Variants in XRN2 observed in about 807,000 individuals in gnomAD.
The protein encoded by XRN2 is DHM1-like protein.
XRN2 carries 44 observed loss-of-function variants against 138.5 expected under a neutral mutation model. The observed-to-expected ratio is 0.32, with a 90% confidence interval of 0.25 to 0.41. XRN2 has a LOEUF of 0.41. Among genes scored for constraint, XRN2 ranks in the 10% least tolerant of loss-of-function variants. The probability of loss-of-function intolerance (pLI) is 1.00; values close to 1 mark genes in which losing one functional copy is unlikely to be tolerated. For missense variants in XRN2, 937 were observed against 1,169.3 expected (o/e 0.80, Z 2.90); for synonymous variants, 354 against 369.4 (o/e 0.96, Z 0.48).
At chr20:21,352,036 C>T (rs2038516546) in intron 20 of XRN2, among the ~76,000 whole-genome samples, 1 of 152,164 alleles carries the variant, frequency 6.6e-6, no homozygotes, top group Admixed American at 6.5e-5. Flanking sequence ...TGAGATTTCA[C>T]ATGAATTTTA....
At chr20:21,346,269 TAAATG>T in intron 16 of XRN2, 141 bp from the exon 17 acceptor site, 1 of 1,049,716 alleles carries the variant, frequency 9.5e-7, no homozygotes, top group Non-Finnish European at 1.4e-6. Flanking sequence ...TAGAAATAGT[TAAATG>T]AATCTGTGTT....
At chr20:21,322,192 C>T (rs764790720) in intron 1 of XRN2, among the ~76,000 whole-genome samples, 27 of 152,150 alleles carry the variant, frequency 1.8e-4, no homozygotes, top group Admixed American at 1.5e-3. Context: ...GTGCTTATCA[C>T]GTTAAGTGCT....
intron 1 of XRN2, among the ~76,000 whole-genome samples, chr20:21,313,144 C>T (rs1229166366): frequency 6.6e-6 from 1 of 152,218 alleles, no homozygotes; most frequent in Admixed American, 6.5e-5. Flanking sequence ...CTAAGTTAGG[C>T]TTTTCCTTAG....
At chr20:21,331,985 A>G (rs903914306) in intron 8 of XRN2, among the ~76,000 whole-genome samples, 167 bp downstream of exon 8, 1 of 152,166 alleles carries the variant, frequency 6.6e-6, no homozygotes, top group Non-Finnish European at 1.5e-5. Context: ...TCTGTGGTCA[A>G]TGATCTTTAA....
At chr20:21,327,255 A>G (rs2122203208) in intron 3 of XRN2, among the ~76,000 whole-genome samples, 1 of 152,316 alleles carries the variant, frequency 6.6e-6, no homozygotes, top group South Asian at 2.1e-4. Context: ...CATGAAAATG[A>G]TTTGAGAGGA....
intron 28 of XRN2, among the ~76,000 whole-genome samples, chr20:21,384,281 A>G (rs559680301): frequency 6.6e-6 from 1 of 152,284 alleles, no homozygotes; most frequent in South Asian, 2.1e-4. Flanking sequence ...CAAGGCAGCC[A>G]TTTAGTTTTT....
At chr20:21,347,741 T>C in intron 17 of XRN2, among the ~76,000 whole-genome samples, 1 of 152,244 alleles carries the variant, frequency 6.6e-6, no homozygotes, top group Non-Finnish European at 1.5e-5. Context: ...TCCAATAATG[T>C]CTCTAACCAC....
intron 20 of XRN2, among the ~76,000 whole-genome samples, chr20:21,350,335 G>T (rs907802721): frequency 4.6e-5 from 7 of 151,788 alleles, no homozygotes; most frequent in Non-Finnish European, 1.0e-4. Flanking sequence ...GACCATCCTG[G>T]CTAACACAGT....
At chr20:21,320,572 T>C (rs2038025515) in intron 1 of XRN2, among the ~76,000 whole-genome samples, 1 of 151,770 alleles carries the variant, frequency 6.6e-6, no homozygotes, top group African/African-American at 2.4e-5. Context: ...GTGCTGGGAT[T>C]ACAGGCGTGA....
intron 28 of XRN2, among the ~76,000 whole-genome samples, chr20:21,384,125 T>C (rs1197218162): frequency 6.6e-6 from 1 of 152,208 alleles, no homozygotes; most frequent in African/African-American, 2.4e-5. Context: ...ATCCAGTAGA[T>C]TTAAAAATAC....
At position 21,368,595 on chromosome 20, in the gene XRN2, G is replaced by A; in HGVS notation, c.2584+5G>A. ...AGATTCCAAAACTTATGTCAAGTAA[G>A]CTTTTACAAATCGGTTATTTTACAT... On this transcript the variant is annotated splice_donor_5th_base_variant and intron_variant, in intron 27 of 29. Transcript: ENST00000377191. 1 of 1,610,566 alleles carries A rather than the reference G, an allele frequency of 6.2e-7. No homozygotes were observed. The highest frequency in any genetic ancestry group is 8.5e-7 in the Non-Finnish European group (1 of 1,178,994).
rs141573507 is a variant in XRN2 at position 21,371,325 on chromosome 20, TC to T, written c.2584+2737del. ...TAGTGTATTCACTCTCTGTCTCTGTTCCTCTCTCTGGCAGTGTAGCTTTGCT... is the reference window on the plus strand; with the variant it reads ...TAGTGTATTCACTCTCTGTCTCTGTTCTCTCTCTGGCAGTGTAGCTTTGCT... On this transcript the variant is annotated intron_variant, in intron 27 of 29. Coordinates refer to ENST00000377191, the MANE Select transcript of XRN2 (RefSeq NM_012255.5). 5.4e-3 allele frequency among the ~76,000 whole-genome samples: 829 copies of T among 152,280 alleles called. 9 individuals are homozygous for T. Among genetic ancestry groups the T allele is most frequent in the African/African-American group, 0.019 (798 of 41,552 alleles).
At chr20:21,354,631 A>G (rs2038554129) in intron 20 of XRN2, among the ~76,000 whole-genome samples, 158 bp from the exon 21 acceptor site, 1 of 152,216 alleles carries the variant, frequency 6.6e-6, no homozygotes, top group African/African-American at 2.4e-5. Context: ...AAATATTAGC[A>G]TCTGAGTTTT....
chr20:21,329,185 A>G (rs193250194), intron 4 of XRN2, among the ~76,000 whole-genome samples: 15 of 152,310 alleles, frequency 9.8e-5, no homozygotes, highest in Admixed American at 7.8e-4. Flanking sequence ...TGGAGCAGGC[A>G]CAGTACTTAT....
chr20:21,382,157 A>T, intron 28 of XRN2, 100 bp downstream of exon 28: 3 of 939,360 alleles, frequency 3.2e-6, no homozygotes, highest in Non-Finnish European at 4.6e-6. Flanking sequence ...TTTGAAATGT[A>T]CTTTTTCCCA....
rs952346907 is a variant in XRN2, at chr20:21,386,396, G to A, written c.2649-472G>A. On this transcript the variant is annotated intron_variant, in intron 28 of 29. Transcript: ENST00000377191. ...AAAAAACAGCCAAGTCTCCTACCCTGGATTCAAAATACTCAGCAGTAAGAA... is the reference window on the plus strand; with the variant it reads ...AAAAAACAGCCAAGTCTCCTACCCTAGATTCAAAATACTCAGCAGTAAGAA... 3.3e-5 allele frequency among the ~76,000 whole-genome samples: 5 copies of A among 152,162 alleles called. 1 individual carries two copies. The highest frequency in any genetic ancestry group is 1.2e-4 in the African/African-American group (5 of 41,426).
Position 21,356,186 on chromosome 20 carries a change from C to T in XRN2, c.2118+9C>T, listed in dbSNP as rs372037383. The T allele has an allele frequency of 2.3e-5, 36 of 1,589,584 alleles. No individual in the cohort carries two copies. In the African/African-American group the frequency reaches 3.4e-4, roughly 15 times the overall value. On this transcript the variant is annotated intron_variant, in intron 22 of 29. Coordinates refer to ENST00000377191, the MANE Select transcript of XRN2 (RefSeq NM_012255.5). The stretch of plus-strand genomic sequence containing the variant: ...AGACAGGTTCCACAGAGGTATGTTA[C>T]GCAATTTGGTTAATTAGAAATGCAC...
chr20:21,377,257 G>GTTTTTTGTTTTTTTTTTTTTTTTTTTTTT, intron 27 of XRN2, among the ~76,000 whole-genome samples: 1 of 30,314 alleles, frequency 3.3e-5, no homozygotes, highest in African/African-American at 1.9e-4. Context: ...TGATTTGTCG[G>GTTTTTTGTTTTTTTTTTTTTTTTTTTTTT]TTTTTTCTTT....
In XRN2 at chr20:21,340,718, T is replaced by C; in HGVS notation, c.1279-3T>C. On this transcript the variant is annotated splice_region_variant and splice_polypyrimidine_tract_variant and intron_variant, in intron 14 of 29. Transcript: ENST00000377191. ...ATTTCTACATTCATTCCATTTATGTTAGAGAGATCAACCAGCTTTCACTCC... is the reference window on the plus strand; with the variant it reads ...ATTTCTACATTCATTCCATTTATGTCAGAGAGATCAACCAGCTTTCACTCC... 6.2e-7 allele frequency: 1 copy of C among 1,613,558 alleles called. No homozygotes were observed. The highest frequency in any genetic ancestry group is 8.5e-7 in the Non-Finnish European group (1 of 1,179,692).
Sources: allele counts gnomAD v4.1 joint callset (sites outside exome capture counted in the v4.1 genomes callset), GRCh38; gene constraint gnomAD v4.1.1; transcripts MANE v1.5; gene names NCBI Gene and HGNC (gene_info 2026-07-23, HGNC 2026-07-21).